Variants in AK9 observed in about 807,000 individuals in gnomAD.
AK9 encodes adenylate kinase 9.
A neutral mutation model predicts 239.6 loss-of-function variants in AK9; 191 were observed. The ratio of observed to expected loss-of-function variants is 0.80; its 90% CI spans 0.71 to 0.90. The LOEUF is 0.90. AK9 is among the 40% of genes least tolerant of loss of function. AK9 has a pLI of 0.00. For synonymous variants in AK9, 689 were observed against 721.0 expected (o/e 0.96, Z 0.71); for missense variants, 1,995 against 2,214.7 (o/e 0.90, Z 1.99).
chr6:109,687,008 T>C (rs1773604472), intron 1 of AK9, among the ~76,000 whole-genome samples: 1 of 152,152 alleles, frequency 6.6e-6, no homozygotes, highest in South Asian at 2.1e-4. Context: ...TCACACCTCA[T>C]GTGGAATTCC....
chr6:109,560,524 C>A (rs954636002), intron 24 of AK9, among the ~76,000 whole-genome samples: 2 of 152,002 alleles, frequency 1.3e-5, no homozygotes, highest in African/African-American at 2.4e-5. Context: ...TTGAGGTGAT[C>A]ATGGTTTTTC....
chr6:109,667,804 G>C (rs1487077957), intron 5 of AK9, among the ~76,000 whole-genome samples: 1 of 152,098 alleles, frequency 6.6e-6, no homozygotes, highest in Non-Finnish European at 1.5e-5. Context: ...GTCTATCATC[G>C]TTGGACATCT....
chr6:109,619,662 C>T (rs1334191197), intron 12 of AK9, among the ~76,000 whole-genome samples: 2 of 151,828 alleles, frequency 1.3e-5, no homozygotes, highest in African/African-American at 2.4e-5. Context: ...AGAACATTTG[C>T]CGGGTGTGGT....
At chr6:109,576,992 G>A (rs928144726) in intron 20 of AK9, among the ~76,000 whole-genome samples, 4 of 151,884 alleles carry the variant, frequency 2.6e-5, no homozygotes, top group Non-Finnish European at 4.4e-5. Flanking sequence ...CACCACGCCC[G>A]GCTAATTTTT....
At chr6:109,519,862 C>T (rs555840411) in intron 29 of AK9, among the ~76,000 whole-genome samples, 3 of 147,478 alleles carry the variant, frequency 2.0e-5, no homozygotes, top group Admixed American at 1.4e-4. Flanking sequence ...ATTAGTGACA[C>T]TGAGCATTTG....
At chr6:109,499,319 T>G in intron 35 of AK9, 79 bp from the exon 36 acceptor site, 1 of 1,151,070 alleles carries the variant, frequency 8.7e-7, no homozygotes, top group Non-Finnish European at 1.2e-6. Context: ...AAAATAATTT[T>G]AATTACACAG....
At chr6:109,665,154 A>G (rs1040568683) in intron 5 of AK9, among the ~76,000 whole-genome samples, 2 of 152,248 alleles carry the variant, frequency 1.3e-5, no homozygotes, top group Non-Finnish European at 2.9e-5. Flanking sequence ...CTTTCTGCTA[A>G]CAGTGTGTTG....
intron 16 of AK9, 53 bp from the exon 17 acceptor site, chr6:109,610,566 T>C (rs1793457454): frequency 6.8e-7 from 1 of 1,479,490 alleles, no homozygotes; most frequent in Non-Finnish European, 9.2e-7. Flanking sequence ...TAGTGGACAA[T>C]ACTACTTGCA....
At chr6:109,621,918 AAAAAACAG>A (rs1794890769) in intron 12 of AK9, among the ~76,000 whole-genome samples, 3 of 93,362 alleles carry the variant, frequency 3.2e-5, no homozygotes, top group South Asian at 4.9e-4. Context: ...AAAAACAAAA[AAAAAACAG>A]AAAGAGAAAT....
At chr6:109,614,115 A>T (rs1793883590) in intron 15 of AK9, 68 bp downstream of exon 15, 3 of 1,421,120 alleles carry the variant, frequency 2.1e-6, no homozygotes, top group Non-Finnish European at 2.9e-6. Context: ...ATAAATATAA[A>T]CATAATCAAA....
At chr6:109,534,329 A>G (rs1003863292) in intron 27 of AK9, among the ~76,000 whole-genome samples, 7 of 150,024 alleles carry the variant, frequency 4.7e-5, no homozygotes, top group Non-Finnish European at 8.9e-5. Flanking sequence ...TATTTTAATT[A>G]GAGAGCACTT....
At chr6:109,668,515 G>T (rs373561891) in intron 5 of AK9, among the ~76,000 whole-genome samples, 5 of 150,624 alleles carry the variant, frequency 3.3e-5, no homozygotes, top group Admixed American at 1.3e-4. Context: ...TTCTTCTAGG[G>T]TTTTTATGGT....
Position 109,499,163 on chromosome 6 carries a change from A to G in AK9, c.4927T>C (p.Cys1643Arg). The G allele has an allele frequency of 6.2e-7, 1 of 1,603,094 alleles. No individual in the cohort carries two copies. The highest frequency in any genetic ancestry group is 1.7e-4 in the Middle Eastern group (1 of 6,036). Residue 1643 changes from cysteine to arginine, a missense_variant, in exon 36 of 41, where the codon TGC becomes CGC. By Grantham distance (180) the Cys-to-Arg change is radical. Around this residue, in one of 5 missense-constraint regions of AK9, gnomAD observed 391 missense variants for 456.0 expected, o/e 0.86. Coordinates refer to ENST00000424296, the MANE Select transcript of AK9 (RefSeq NM_001145128.3). ...LSRLGEFEQF[C>R]PVSLAESQEL... The stretch of plus-strand genomic sequence containing the variant: ...TGGGATTCTGCCAGGCTGACAGGGC[A>G]GAACTGTTCAAATTCTCCCAGGCGA...
intron 17 of AK9, among the ~76,000 whole-genome samples, chr6:109,603,233 C>T (rs928620167): frequency 3.3e-5 from 5 of 152,114 alleles, no homozygotes; most frequent in South Asian, 2.1e-4. Context: ...ATGATGGTGA[C>T]GTACAGATGA....
At chr6:109,680,311 C>T (rs1209631777) in intron 1 of AK9, among the ~76,000 whole-genome samples, 1 of 152,054 alleles carries the variant, frequency 6.6e-6, no homozygotes, top group Non-Finnish European at 1.5e-5. Flanking sequence ...GAAGCATACA[C>T]AAGTTTCAAT....
At chr6:109,545,257 T>C (rs1011600843) in intron 26 of AK9, among the ~76,000 whole-genome samples, 4 of 152,032 alleles carry the variant, frequency 2.6e-5, no homozygotes, top group Admixed American at 6.6e-5. Flanking sequence ...CTGGGCAACA[T>C]AGCAAGACCC....
chr6:109,645,592 G>GGCCT (rs3060801), intron 8 of AK9, among the ~76,000 whole-genome samples: 88,224 of 151,738 alleles, frequency 0.58, 27,321 homozygotes, highest in South Asian at 0.84. Flanking sequence ...AGCTCAACGA[G>GGCCT]GCCTGCCTGC....
At position 109,534,314 on chromosome 6, in the gene AK9, T is replaced by A. The variant is rs886813248; in HGVS notation, c.3351-844A>T. Among the ~76,000 whole-genome samples, 3 of 149,954 alleles carry A rather than the reference T, an allele frequency of 2.0e-5. No homozygotes were observed. The South Asian group carries it at 6.2e-4, about 31-fold the overall frequency. ...TTATTTTATTTTATTTTATTTATTT[T>A]AATTTATTTTAATTAGAGAGCACTT... On this transcript the variant is annotated intron_variant, in intron 27 of 40. Coordinates refer to ENST00000424296, the MANE Select transcript of AK9 (RefSeq NM_001145128.3).
At chr6:109,637,907 C>T (rs377619107) in intron 10 of AK9, among the ~76,000 whole-genome samples, 5 of 152,268 alleles carry the variant, frequency 3.3e-5, no homozygotes, top group Admixed American at 6.5e-5. Context: ...TGTAAAAATA[C>T]ATTTTCAGGT....
Sources: gnomAD v4.1 joint callset for allele counts (sites outside exome capture counted in the v4.1 genomes callset) on GRCh38, gnomAD v4.1.1 for gene constraint, gnomAD v4.1.1 regional missense constraint, MANE v1.5 for transcripts, NCBI Gene and HGNC (gene_info 2026-07-23, HGNC 2026-07-21) for gene names.